The following RABGAP1L variants were observed in gnomAD, a reference collection of about 807,000 sequenced individuals.
The protein encoded by RABGAP1L is rab GTPase-activating protein 1-like.
A neutral mutation model predicts 137.7 loss-of-function variants in RABGAP1L; 63 were observed. The observed-to-expected ratio is 0.46, with a 90% CI of 0.37 to 0.56. The LOEUF is 0.56. RABGAP1L is among the 20% of genes least tolerant of loss of function. The pLI is 0.00. For missense variants in RABGAP1L, 1,095 were observed against 1,244.0 expected (o/e 0.88, Z 1.80); for synonymous variants, 431 against 433.7 (o/e 0.99, Z 0.08).
chr1:174,348,007 GTAT>G (rs2148911537), intron 11 of RABGAP1L, among the ~76,000 whole-genome samples: 1 of 151,980 alleles, frequency 6.6e-6, no homozygotes, highest in African/African-American at 2.4e-5. Context: ...TTTACATTCT[GTAT>G]TATTATTGAT....
chr1:174,230,164 G>A (rs1018418864), intron 3 of RABGAP1L, among the ~76,000 whole-genome samples: 4 of 150,216 alleles, frequency 2.7e-5, no homozygotes, highest in Admixed American at 1.3e-4. Flanking sequence ...ACCAAACACC[G>A]CATGTTCTCA....
At chr1:174,905,082 T>C (rs878979665) in intron 19 of RABGAP1L, among the ~76,000 whole-genome samples, 3 of 152,172 alleles carry the variant, frequency 2.0e-5, no homozygotes, top group Non-Finnish European at 2.9e-5. Context: ...ACCTGGGCTT[T>C]AAGGTGCCAC....
chr1:174,684,497 T>C (rs185982368), intron 15 of RABGAP1L, among the ~76,000 whole-genome samples: 1 of 152,228 alleles, frequency 6.6e-6, no homozygotes, highest in Admixed American at 6.5e-5. Flanking sequence ...AATGGTAAGA[T>C]GGGAAATTGT....
chr1:174,582,288 A>T (rs551325746), intron 13 of RABGAP1L, among the ~76,000 whole-genome samples: 2 of 152,312 alleles, frequency 1.3e-5, no homozygotes, highest in African/African-American at 4.8e-5. Context: ...TTAGAAAAAT[A>T]AAAATAAAAA....
chr1:174,533,070 T>C (rs1328573358), intron 13 of RABGAP1L, among the ~76,000 whole-genome samples: 1 of 152,082 alleles, frequency 6.6e-6, no homozygotes, highest in African/African-American at 2.4e-5. Flanking sequence ...CTGTCTCTAC[T>C]AAAAATACAA....
At chr1:174,950,894 T>G (rs1437327729) in intron 19 of RABGAP1L, among the ~76,000 whole-genome samples, 1 of 152,192 alleles carries the variant, frequency 6.6e-6, no homozygotes, top group Non-Finnish European at 1.5e-5. Context: ...GTGATGTACT[T>G]TACCAGTATT....
At chr1:174,333,370 A>G (rs1681202527) in intron 11 of RABGAP1L, among the ~76,000 whole-genome samples, 1 of 152,218 alleles carries the variant, frequency 6.6e-6, no homozygotes, top group Admixed American at 6.5e-5. Context: ...TCATATGCTA[A>G]TTACCGTAAT....
intron 14 of RABGAP1L, among the ~76,000 whole-genome samples, chr1:174,648,543 A>G (rs1675182136): frequency 6.6e-6 from 1 of 152,064 alleles, no homozygotes; most frequent in Non-Finnish European, 1.5e-5. Context: ...CTGAGTTCTA[A>G]TTTGATGACA....
intron 17 of RABGAP1L, among the ~76,000 whole-genome samples, chr1:174,717,411 A>G (rs1179045465): frequency 1.3e-5 from 2 of 152,202 alleles, no homozygotes; most frequent in African/African-American, 4.8e-5. Context: ...TCCTGTCTCA[A>G]AAACAAACAA....
chr1:174,481,919 C>A (rs1043068175), intron 13 of RABGAP1L, among the ~76,000 whole-genome samples: 10 of 148,796 alleles, frequency 6.7e-5, no homozygotes, highest in Admixed American at 6.7e-5. Flanking sequence ...AAAAAGAAAC[C>A]ACTGAATATG....
intron 13 of RABGAP1L, among the ~76,000 whole-genome samples, chr1:174,435,887 T>C (rs1204100517): frequency 6.6e-6 from 1 of 150,776 alleles, no homozygotes; most frequent in African/African-American, 2.5e-5. Flanking sequence ...TTCCCACCTA[T>C]GAGTGAAAAC....
chr1:174,258,498 A>G (rs1673307776), intron 7 of RABGAP1L, among the ~76,000 whole-genome samples: 1 of 152,112 alleles, frequency 6.6e-6, no homozygotes, highest in Non-Finnish European at 1.5e-5. Flanking sequence ...TATGCTGCCC[A>G]GGCTGGTCTT....
chr1:174,495,412 G>A (rs1660653664), intron 13 of RABGAP1L, among the ~76,000 whole-genome samples: 1 of 152,052 alleles, frequency 6.6e-6, no homozygotes, highest in Admixed American at 6.6e-5. Flanking sequence ...ATTATTTCAG[G>A]AGAGAGGTAG....
intron 13 of RABGAP1L, among the ~76,000 whole-genome samples, chr1:174,570,634 TAACA>T (rs1317060634): frequency 6.6e-6 from 1 of 152,162 alleles, no homozygotes; most frequent in East Asian, 1.9e-4. Flanking sequence ...TATACTCATG[TAACA>T]AACCTACACA....
At chr1:174,788,223 A>G (rs1035052775) in intron 18 of RABGAP1L, among the ~76,000 whole-genome samples, 1 of 152,198 alleles carries the variant, frequency 6.6e-6, no homozygotes, top group Admixed American at 6.5e-5. Context: ...TGATCTTATA[A>G]TCAACTTTGT....
At chr1:174,849,639 A>T in intron 19 of RABGAP1L, 1 of 391,040 alleles carries the variant, frequency 2.6e-6, no homozygotes. Context: ...ACAGGATGAG[A>T]AGTACACTTA....
chr1:174,385,603 G>A (rs1173864636), intron 12 of RABGAP1L, among the ~76,000 whole-genome samples: 3 of 152,150 alleles, frequency 2.0e-5, no homozygotes, highest in Non-Finnish European at 4.4e-5. Context: ...CTGCACCCTC[G>A]ACCACTCCAG....
intron 1 of RABGAP1L, among the ~76,000 whole-genome samples, chr1:174,199,816 A>G (rs1667974001): frequency 2.0e-5 from 3 of 152,270 alleles, no homozygotes; most frequent in East Asian, 1.9e-4. Flanking sequence ...GTTTGGCAAA[A>G]TGCTTCAGGG....
chr1:174,820,090 G>C (rs986802678), intron 19 of RABGAP1L, among the ~76,000 whole-genome samples: 1 of 152,168 alleles, frequency 6.6e-6, no homozygotes, highest in African/African-American at 2.4e-5. Flanking sequence ...CAAAAGAACA[G>C]CTAGTCTATA....
Sources: allele counts gnomAD v4.1 joint callset (sites outside exome capture counted in the v4.1 genomes callset), GRCh38; gene constraint gnomAD v4.1.1; transcripts MANE v1.5; gene names NCBI Gene and HGNC (gene_info 2026-07-23, HGNC 2026-07-21).